Variants in CDON observed in about 807,000 individuals in gnomAD.
CDON encodes the protein cell adhesion associated, oncogene regulated.
CDON carries 73 observed loss-of-function variants against 120.9 expected under a neutral mutation model. The ratio of observed to expected loss-of-function variants is 0.60; its 90% CI spans 0.50 to 0.73. The LOEUF (loss-of-function observed/expected upper bound fraction) is 0.73, where lower values mean the gene tolerates loss of function less well. Ranked by LOEUF, CDON falls within the 30% of genes least tolerant of loss-of-function variation. The pLI is 0.00. For missense variants in CDON, 1,470 were observed against 1,587.3 expected (o/e 0.93, Z 1.26); for synonymous variants, 566 against 573.5 (o/e 0.99, Z 0.19).
At chr11:125,989,797 C>T in intron 14 of CDON, 38 bp from the exon 15 acceptor site, 1 of 1,591,098 alleles carries the variant, frequency 6.3e-7, no homozygotes, top group Non-Finnish European at 8.6e-7. Context: ...CATCATACAG[C>T]CTAAATGATA....
At chr11:126,026,933 C>A (rs564245891) in intron 1 of CDON, among the ~76,000 whole-genome samples, 2 of 152,298 alleles carry the variant, frequency 1.3e-5, no homozygotes, top group Non-Finnish European at 2.9e-5. Context: ...AGCAGTGAAA[C>A]AAATTTCAGA....
chr11:125,963,579 A>G (rs1180966652), intron 18 of CDON, among the ~76,000 whole-genome samples: 1 of 152,206 alleles, frequency 6.6e-6, no homozygotes, highest in Non-Finnish European at 1.5e-5. Flanking sequence ...CTTAAGCATG[A>G]AGACAGACAT....
rs11829014 is a variant in CDON at position 126,023,533 on chromosome 11, G to A, written c.-57C>T. On this transcript the variant is annotated 5_prime_UTR_variant, in exon 2 of 20. Transcript: ENST00000531738. ...CTTCCAGAGCAAAACCCAGTCCTTG[G>A]TTCACTAAAAAAGAAAAAGGAAAGA... 6,505 of 1,236,600 alleles carry A rather than the reference G, an allele frequency of 5.3e-3. 236 individuals carry two copies. In the African/African-American group the frequency reaches 0.082, roughly 16 times the overall value. 76.6% of individuals were successfully genotyped at this position (1,236,600 alleles called of 1,614,324 possible). A position where few individuals can be genotyped will look rare whatever the true frequency, so the allele number is the denominator to read the frequency against.
intron 11 of CDON, among the ~76,000 whole-genome samples, chr11:125,998,184 T>TA: frequency 6.6e-6 from 1 of 151,976 alleles, no homozygotes; most frequent in East Asian, 1.9e-4. Context: ...ACATGAGGAG[T>TA]AAGCTCATCA....
chr11:125,993,698 C>A (rs1435893951), intron 14 of CDON, among the ~76,000 whole-genome samples: 1 of 152,134 alleles, frequency 6.6e-6, no homozygotes, highest in African/African-American at 2.4e-5. Flanking sequence ...GAAGGAAGTG[C>A]CAGAAAGGGA....
Position 126,021,008 on chromosome 11 carries a change from C to T in CDON, c.349+240G>A, listed in dbSNP as rs118013632. ...ATTATAAAGAAAAAAAAAAAACTGT[C>T]CTAACTGCGTAACTTTAAAAAAATC... is the stretch of plus-strand genomic sequence containing the variant. On this transcript the variant is annotated intron_variant, in intron 3 of 19. Transcript: ENST00000531738. Among the ~76,000 whole-genome samples the T allele has an allele frequency of 0.1, 15,571 of 151,290 alleles. 1,060 individuals are homozygous for T. The highest frequency in any genetic ancestry group is 0.25 in the Middle Eastern group (72 of 290).
intron 1 of CDON, among the ~76,000 whole-genome samples, chr11:126,051,652 C>CTTT (rs66575795): frequency 1.1e-4 from 16 of 139,956 alleles, no homozygotes; most frequent in African/African-American, 3.2e-4. Context: ...TATTTTTTTT[C>CTTT]TTTTTTTTTT....
chr11:125,966,716 A>G (rs1351585741), intron 18 of CDON, among the ~76,000 whole-genome samples: 1 of 152,246 alleles, frequency 6.6e-6, no homozygotes, highest in Non-Finnish European at 1.5e-5. Context: ...AATCAAAAAA[A>G]GCAGCCAGAA....
chr11:126,000,359 C>T (rs1321613792), intron 11 of CDON, among the ~76,000 whole-genome samples: 1 of 152,076 alleles, frequency 6.6e-6, no homozygotes, highest in Non-Finnish European at 1.5e-5. Context: ...AGGTGTACCC[C>T]ACCACACATG....
chr11:125,982,904 AGGCGAT>A (rs753117501), intron 16 of CDON, among the ~76,000 whole-genome samples: 1 of 152,190 alleles, frequency 6.6e-6, no homozygotes, highest in Non-Finnish European at 1.5e-5. Context: ...ACACAATTAA[AGGCGAT>A]GGCATTAAAA....
intron 11 of CDON, among the ~76,000 whole-genome samples, chr11:125,999,997 G>T (rs866351196): frequency 6.6e-6 from 1 of 152,066 alleles, no homozygotes; most frequent in African/African-American, 2.4e-5. Flanking sequence ...CTGTATCGTC[G>T]TTCTCCTTTG....
At chr11:125,971,245 T>C (rs573960605) in intron 18 of CDON, among the ~76,000 whole-genome samples, 122 of 152,004 alleles carry the variant, frequency 8.0e-4, no homozygotes, top group Non-Finnish European at 1.2e-3. Flanking sequence ...TAGCTGGGTG[T>C]GGTGGCGGGC....
chr11:126,053,661 T>C (rs147689776), intron 1 of CDON, among the ~76,000 whole-genome samples: 3 of 152,310 alleles, frequency 2.0e-5, no homozygotes, highest in African/African-American at 4.8e-5. Context: ...TTTCAATACA[T>C]TGCAAGCTAT....
chr11:125,977,275 TAACA>T (rs1946173623), intron 18 of CDON, among the ~76,000 whole-genome samples: 2 of 152,144 alleles, frequency 1.3e-5, no homozygotes, highest in African/African-American at 2.4e-5. Context: ...AAGTAAATGA[TAACA>T]AACAATCTCC....
intron 1 of CDON, among the ~76,000 whole-genome samples, chr11:126,042,541 T>C (rs1448105837): frequency 6.6e-6 from 1 of 152,244 alleles, no homozygotes; most frequent in Non-Finnish European, 1.5e-5. Context: ...ATGAGATTAT[T>C]CAAAGAATAA....
intron 1 of CDON, among the ~76,000 whole-genome samples, chr11:126,038,000 A>G (rs1214846862): frequency 6.6e-6 from 1 of 152,250 alleles, no homozygotes; most frequent in Non-Finnish European, 1.5e-5. Flanking sequence ...AAAAAACAGC[A>G]AAGATATCCA....
chr11:125,994,488 C>T (rs1037310404), intron 13 of CDON, 99 bp from the exon 14 acceptor site: 5 of 749,686 alleles, frequency 6.7e-6, no homozygotes, highest in Non-Finnish European at 1.2e-5. Flanking sequence ...TTTCTAGGTT[C>T]ATTTTGCAAA....
chr11:126,028,288 G>A (rs765519331), intron 1 of CDON, among the ~76,000 whole-genome samples: 2 of 151,870 alleles, frequency 1.3e-5, no homozygotes, highest in East Asian at 1.9e-4. Context: ...TGTGGTGTAC[G>A]GTATTTACAT....
chr11:125,998,143 G>C (rs765229054), intron 11 of CDON, among the ~76,000 whole-genome samples: 3 of 152,152 alleles, frequency 2.0e-5, no homozygotes, highest in Non-Finnish European at 4.4e-5. Flanking sequence ...AACACACCAG[G>C]TAGATGGTCT....
Sources: allele counts gnomAD v4.1 joint callset (sites outside exome capture counted in the v4.1 genomes callset), GRCh38; gene constraint gnomAD v4.1.1; transcripts MANE v1.5; gene names NCBI Gene and HGNC (gene_info 2026-07-23, HGNC 2026-07-21).